The following TNIK variants were observed in gnomAD, a reference collection of about 807,000 sequenced individuals.
The protein encoded by TNIK is TRAF2 and NCK-interacting protein kinase.
Under a neutral mutation model 191.3 loss-of-function variants are expected in TNIK, and 49 were observed. The observed-to-expected ratio is 0.26, with a 90% CI of 0.20 to 0.32. The LOEUF is 0.32. Among genes scored for constraint, TNIK ranks in the 10% least tolerant of loss-of-function variants. TNIK has a pLI of 1.00. For missense variants in TNIK, 1,155 were observed against 1,702.3 expected, an observed-to-expected ratio of 0.68 and a Z score of 5.66; for synonymous variants, 594 against 600.9, an observed-to-expected ratio of 0.99 and a Z score of 0.17.
At chr3:171,068,358 T>G (rs1576888380) in intron 30 of TNIK, among the ~76,000 whole-genome samples, 1 of 152,166 alleles carries the variant, frequency 6.6e-6, no homozygotes, top group Non-Finnish European at 1.5e-5. Flanking sequence ...TGTCCATTAC[T>G]GCAAAGCTAA....
At chr3:171,321,211 C>T (rs541136995) in intron 2 of TNIK, among the ~76,000 whole-genome samples, 159 of 152,338 alleles carry the variant, frequency 1.0e-3, no homozygotes, top group Non-Finnish European at 1.8e-3. Context: ...GCTGCCCTAA[C>T]ACTGGCAAAT....
At chr3:171,114,038 A>G (rs1367865317) in intron 18 of TNIK, among the ~76,000 whole-genome samples, 1 of 149,862 alleles carries the variant, frequency 6.7e-6, no homozygotes, top group African/African-American at 2.5e-5. Flanking sequence ...CAAGGCTTCT[A>G]TAAAGCTCTT....
rs550316571 is a variant in TNIK, at chr3:171,112,806, A to G, written c.2121-1929T>C. Among the ~76,000 whole-genome samples the G allele has an allele frequency of 3.3e-5, 5 of 150,838 alleles. No homozygotes were observed. In the East Asian group the frequency reaches 7.8e-4, roughly 24 times the overall value. On this transcript the variant is annotated intron_variant, in intron 18 of 32. Coordinates refer to ENST00000436636, the MANE Select transcript of TNIK (RefSeq NM_015028.4). ...TGTGTAATAGCTTCATTAATTGTCT[A>G]TTATATAGATGAGTTACTTGACCAT...
intron 2 of TNIK, among the ~76,000 whole-genome samples, chr3:171,298,606 G>A (rs1171588340): frequency 6.6e-6 from 1 of 152,132 alleles, no homozygotes; most frequent in Non-Finnish European, 1.5e-5. Context: ...TGAACTGAGG[G>A]GGACATGAGT....
rs995017503 is a variant in TNIK, at chr3:171,061,932, G to A, written c.*1949C>T. On this transcript the variant is annotated 3_prime_UTR_variant, in exon 33 of 33. Coordinates refer to ENST00000436636, the MANE Select transcript of TNIK (RefSeq NM_015028.4). ...GAGGATATCTTGCTGATTGCCTGAAGATAATCCTCAGTTACATTCCTGCAT... is the reference window on the plus strand; with the variant it reads ...GAGGATATCTTGCTGATTGCCTGAAAATAATCCTCAGTTACATTCCTGCAT... 2.0e-5 allele frequency: 3 copies of A among 152,170 alleles called. No individual in the cohort carries two copies. Among genetic ancestry groups the A allele is most frequent in the Non-Finnish European group, 4.4e-5 (3 of 68,042 alleles). The allele number at this position is 152,170 out of a possible 1,614,324, so 9.4% of individuals were successfully genotyped here. A position where few individuals can be genotyped will look rare whatever the true frequency, so the allele number is the denominator to read the frequency against.
intron 2 of TNIK, among the ~76,000 whole-genome samples, chr3:171,354,019 A>G (rs1713634083): frequency 6.6e-6 from 1 of 152,142 alleles, no homozygotes; most frequent in Non-Finnish European, 1.5e-5. Flanking sequence ...ATCAGCCCTT[A>G]AGACCACATT....
rs16855753 is a variant in TNIK, at chr3:171,068,762, T to G, written c.3699+86A>C. ...GCTGGTTAGTAAAGTGTGCATGACTTCTACTAAAACTATGCAAAACAAATC... is the reference window on the plus strand; with the variant it reads ...GCTGGTTAGTAAAGTGTGCATGACTGCTACTAAAACTATGCAAAACAAATC... On this transcript the variant is annotated intron_variant, in intron 30 of 32. Transcript: ENST00000436636. The G allele has an allele frequency of 1.1e-3, 1,447 of 1,377,372 alleles. 19 individuals carry two copies. In the African/African-American group the frequency reaches 0.018, roughly 17 times the overall value. 85.3% of individuals were successfully genotyped at this position (1,377,372 alleles called of 1,614,324 possible).
At chr3:171,388,272 T>C (rs1268710496) in intron 1 of TNIK, among the ~76,000 whole-genome samples, 4 of 152,218 alleles carry the variant, frequency 2.6e-5, no homozygotes, top group Non-Finnish European at 5.9e-5. Flanking sequence ...CAGAAAGGCC[T>C]GGCTTAGAAT....
intron 1 of TNIK, among the ~76,000 whole-genome samples, chr3:171,417,624 C>T (rs935609190): frequency 3.9e-5 from 6 of 152,136 alleles, no homozygotes; most frequent in African/African-American, 1.2e-4. Flanking sequence ...TGAATCTTGA[C>T]ATCTGTAAGC....
At chr3:171,437,341 T>C (rs1451828347) in intron 1 of TNIK, among the ~76,000 whole-genome samples, 1 of 152,208 alleles carries the variant, frequency 6.6e-6, no homozygotes, top group African/African-American at 2.4e-5. Context: ...GTTCCAGGAA[T>C]GCCATTTAAC....
chr3:171,114,393 A>G (rs77720251), intron 18 of TNIK, among the ~76,000 whole-genome samples: 3,903 of 152,344 alleles, frequency 0.026, 122 homozygotes, highest in African/African-American at 0.06. Context: ...TGTTTCTCCC[A>G]TAAATTTGGA....
intron 9 of TNIK, among the ~76,000 whole-genome samples, chr3:171,171,771 G>A (rs1735314136): frequency 6.6e-6 from 1 of 152,172 alleles, no homozygotes; most frequent in African/African-American, 2.4e-5. Context: ...GAAGGAGATG[G>A]TTTACCCCTG....
chr3:171,082,145 T>A (rs1720774442), intron 27 of TNIK, 106 bp downstream of exon 27: 3 of 1,427,930 alleles, frequency 2.1e-6, no homozygotes, highest in Non-Finnish European at 2.8e-6. Flanking sequence ...TACTTTATTG[T>A]GTTGTTTGTT....
chr3:171,316,743 T>C (rs899844909), intron 2 of TNIK, among the ~76,000 whole-genome samples: 8 of 151,968 alleles, frequency 5.3e-5, no homozygotes, highest in Non-Finnish European at 1.2e-4. Flanking sequence ...ATAGGAATGG[T>C]TCATACATTG....
chr3:171,425,784 C>T lies in TNIK; in HGVS notation c.57+34223G>A, dbSNP rs1019058454. On this transcript the variant is annotated intron_variant, in intron 1 of 32. Coordinates refer to ENST00000436636, the MANE Select transcript of TNIK (RefSeq NM_015028.4). ...TAGAAATTGCAGTGAGGGGAGATCA[C>T]GCCACTGTACTACAGCCTGGGTGAC... is the stretch of plus-strand genomic sequence containing the variant. Among the ~76,000 whole-genome samples the T allele has an allele frequency of 1.7e-4, 26 of 148,938 alleles. 1 individual carries two copies. Among genetic ancestry groups the T allele is most frequent in the African/African-American group, 5.8e-4 (23 of 39,996 alleles).
chr3:171,268,207 G>A (rs907432955), intron 2 of TNIK, among the ~76,000 whole-genome samples: 1 of 152,054 alleles, frequency 6.6e-6, no homozygotes, highest in African/African-American at 2.4e-5. Context: ...TTCCCAACCA[G>A]GCCTCGACTT....
intron 2 of TNIK, among the ~76,000 whole-genome samples, chr3:171,345,760 G>A (rs1712083369): frequency 6.6e-6 from 1 of 152,110 alleles, no homozygotes; most frequent in African/African-American, 2.4e-5. Flanking sequence ...GGATAAAATA[G>A]TAAGCTTTTC....
At chr3:171,099,388 T>TTA (rs369256171) in intron 22 of TNIK, among the ~76,000 whole-genome samples, 1 of 151,476 alleles carries the variant, frequency 6.6e-6, no homozygotes, top group East Asian at 1.9e-4. Context: ...TTTTTTTTTT[T>TTA]AATCTTGCTG....
At chr3:171,182,479 C>A (rs1483272748) in intron 7 of TNIK, among the ~76,000 whole-genome samples, 1 of 152,150 alleles carries the variant, frequency 6.6e-6, no homozygotes, top group Non-Finnish European at 1.5e-5. Flanking sequence ...AAGTTTCGTT[C>A]ATGGCCATGG....
Sources: allele counts gnomAD v4.1 joint callset (sites outside exome capture counted in the v4.1 genomes callset), GRCh38; gene constraint gnomAD v4.1.1; transcripts MANE v1.5; gene names NCBI Gene and HGNC (gene_info 2026-07-23, HGNC 2026-07-21).